MFSD1: variants seen among roughly 807,000 people sequenced by gnomAD.
MFSD1 encodes the protein major facilitator superfamily domain containing 1, also known as lysosomal dipeptide transporter MFSD1.
In MFSD1, 59 loss-of-function variants were observed where a neutral mutation model predicts 67.1. The observed-to-expected ratio is 0.88, with a 90% CI of 0.71 to 1.09. The LOEUF (loss-of-function observed/expected upper bound fraction) is 1.09, where lower values mean the gene tolerates loss of function less well. Ranked by LOEUF, MFSD1 falls within the 50% of genes least tolerant of loss-of-function variation. MFSD1 has a pLI of 0.00. For synonymous variants in MFSD1, 213 were observed against 200.3 expected (o/e 1.06, Z -0.54); for missense variants, 552 against 566.1 (o/e 0.97, Z 0.25).
chr3:158,818,770 A>T (rs973112545), intron 7 of MFSD1, among the ~76,000 whole-genome samples: 3 of 152,100 alleles, frequency 2.0e-5, no homozygotes, highest in African/African-American at 7.2e-5. Context: ...CCTCCTTTTT[A>T]CTCTTAAAAG....
intron 6 of MFSD1, 123 bp from the exon 7 acceptor site, chr3:158,813,842 A>T: frequency 2.2e-6 from 1 of 458,772 alleles, no homozygotes; most frequent in Non-Finnish European, 3.7e-6. Flanking sequence ...AGTGTCTTTT[A>T]AGGAAATTAC....
At chr3:158,813,350 G>C (rs1730137630) in intron 6 of MFSD1, among the ~76,000 whole-genome samples, 1 of 152,000 alleles carries the variant, frequency 6.6e-6, no homozygotes, top group Non-Finnish European at 1.5e-5. Context: ...GTTTCACCAT[G>C]TTGGCTAGGC....
intron 7 of MFSD1, among the ~76,000 whole-genome samples, chr3:158,817,939 A>G (rs184454586): frequency 9.9e-5 from 15 of 152,254 alleles, no homozygotes; most frequent in Admixed American, 8.5e-4. Flanking sequence ...GGATCCTATT[A>G]TAATATAATT....
rs888172113 is a variant in MFSD1, at chr3:158,814,009, G to T, written c.594G>T (p.Lys198Asn). Residue 198 changes from lysine to asparagine, a missense_variant, in exon 7 of 16, where the codon AAG becomes AAT. Coordinates refer to ENST00000415822, the MANE Select transcript of MFSD1 (RefSeq NM_022736.4). Reference sequence around the variant, plus strand: ...ACCTCATGGGATGGCTGTATTCTAAGATTGAAGCTTTGTTAGGTTCTGCTG... The same window carrying T: ...ACCTCATGGGATGGCTGTATTCTAATATTGAAGCTTTGTTAGGTTCTGCTG... The part of the protein sequence containing the change: ...NMNLMGWLYS[K>N]IEALLGSAGH... 1.9e-6 allele frequency: 3 copies of T among 1,613,600 alleles called. No individual in the cohort carries two copies. Among genetic ancestry groups the T allele is most frequent in the Non-Finnish European group, 2.5e-6 (3 of 1,179,794 alleles).
intron 6 of MFSD1, among the ~76,000 whole-genome samples, chr3:158,812,108 A>G (rs1730051649): frequency 6.6e-6 from 1 of 152,232 alleles, no homozygotes; most frequent in South Asian, 2.1e-4. Context: ...GAGCTAAGAC[A>G]TGAATACTAA....
intron 15 of MFSD1, among the ~76,000 whole-genome samples, 153 bp from the exon 16 acceptor site, chr3:158,828,826 A>G (rs1406294599): frequency 1.3e-5 from 2 of 152,096 alleles, no homozygotes; most frequent in Admixed American, 1.3e-4. Context: ...GACTTTTAGG[A>G]TCAAGAAGAG....
chr3:158,827,966 G>GAC (rs1731091872), intron 15 of MFSD1, among the ~76,000 whole-genome samples: 6 of 111,038 alleles, frequency 5.4e-5, no homozygotes, highest in Non-Finnish European at 1.2e-4. Flanking sequence ...GAGAGAGAGA[G>GAC]AGAGAGAGAG....
Position 158,829,369 on chromosome 3 carries a change from G to A in MFSD1, c.*387G>A, listed in dbSNP as rs1731195135. ...CTTATAGCAGGAAAAAAAAACTTTT[G>A]AGGGAAATAGAAGGGCTGCGTTACA... On this transcript the variant is annotated 3_prime_UTR_variant, in exon 16 of 16. Coordinates refer to ENST00000415822, the MANE Select transcript of MFSD1 (RefSeq NM_022736.4). 6.4e-6 allele frequency: 1 copy of A among 156,396 alleles called. No homozygotes were observed. Among genetic ancestry groups the A allele is most frequent in the Admixed American group, 6.5e-5 (1 of 15,368 alleles). 9.7% of individuals were successfully genotyped at this position (156,396 alleles called of 1,614,324 possible).
chr3:158,809,171 A>C lies in MFSD1; in HGVS notation c.441-8A>C, dbSNP rs199812633. On this transcript the variant is annotated splice_polypyrimidine_tract_variant and splice_region_variant and intron_variant, in intron 5 of 15. Coordinates refer to ENST00000415822, the MANE Select transcript of MFSD1 (RefSeq NM_022736.4). ...ACTTCTGGTTTTTTTTTTTTTTTCT[A>C]TTTTTAGGATTGGTGGCGAGTCCTT... is the stretch of plus-strand genomic sequence containing the variant. 5.3e-6 allele frequency: 7 copies of C among 1,328,982 alleles called. No individual in the cohort carries two copies. Among genetic ancestry groups the C allele is most frequent in the South Asian group, 3.7e-5 (2 of 53,738 alleles). 82.3% of individuals were successfully genotyped at this position (1,328,982 alleles called of 1,614,324 possible). A position where few individuals can be genotyped will look rare whatever the true frequency, so the allele number is the denominator to read the frequency against.
At chr3:158,806,893 C>A in intron 3 of MFSD1, 147 bp from the exon 4 acceptor site, 1 of 590,994 alleles carries the variant, frequency 1.7e-6, no homozygotes, top group Non-Finnish European at 2.9e-6. Flanking sequence ...ATTTTTCTTT[C>A]TTTGGAGGGA....
intron 7 of MFSD1, among the ~76,000 whole-genome samples, chr3:158,815,728 G>A (rs1226487057): frequency 6.6e-6 from 1 of 150,592 alleles, no homozygotes; most frequent in African/African-American, 2.4e-5. Context: ...ATGTATACAT[G>A]TGCCATGCTG....
intron 3 of MFSD1, among the ~76,000 whole-genome samples, chr3:158,806,254 CA>C (rs1452918127): frequency 1.4e-4 from 22 of 152,056 alleles, no homozygotes; most frequent in Admixed American, 1.3e-4. Context: ...TTTTTGATCT[CA>C]AGAGAGAGAA....
intron 5 of MFSD1, 89 bp downstream of exon 5, chr3:158,807,552 G>A: frequency 1.9e-6 from 2 of 1,041,860 alleles, no homozygotes; most frequent in Non-Finnish European, 2.9e-6. Context: ...GTCTCTTCTG[G>A]GGAATTACTT....
intron 14 of MFSD1, among the ~76,000 whole-genome samples, chr3:158,826,663 T>C (rs1028646324): frequency 6.6e-6 from 1 of 151,470 alleles, no homozygotes; most frequent in Admixed American, 6.6e-5. Context: ...TTTAATAGTT[T>C]TTTTTTTCTT....
At chr3:158,804,666 T>C (rs1460257745) in intron 2 of MFSD1, among the ~76,000 whole-genome samples, 4 of 152,232 alleles carry the variant, frequency 2.6e-5, no homozygotes, top group Non-Finnish European at 5.9e-5. Flanking sequence ...TGCATTTCAC[T>C]CTCCCAGTGC....
chr3:158,823,331 A>G (rs949569935), intron 11 of MFSD1, 97 bp from the exon 12 acceptor site: 3 of 842,482 alleles, frequency 3.6e-6, no homozygotes, highest in Admixed American at 1.7e-5. Flanking sequence ...GAATATATAT[A>G]TATTAACTAC....
chr3:158,809,152 G>GT (rs1559916357), intron 5 of MFSD1, 27 bp from the exon 6 acceptor site: 23 of 1,335,336 alleles, frequency 1.7e-5, no homozygotes, highest in Admixed American at 2.3e-5. Flanking sequence ...TGTGACTTCT[G>GT]GTTTTTTTTT....
intron 3 of MFSD1, among the ~76,000 whole-genome samples, chr3:158,806,488 C>T (rs1003882068): frequency 6.6e-6 from 1 of 152,154 alleles, no homozygotes; most frequent in African/African-American, 2.4e-5. Context: ...CCTTTAAGGA[C>T]TCTTCTAATA....
In MFSD1 at chr3:158,821,892, G is replaced by A. The variant is rs547436397; in HGVS notation, c.921-92G>A. 1.3e-5 allele frequency: 17 copies of A among 1,332,054 alleles called. No individual in the cohort carries two copies. The South Asian group carries it at 2.1e-4, about 16-fold the overall frequency. 82.5% of individuals were successfully genotyped at this position (1,332,054 alleles called of 1,614,324 possible). On this transcript the variant is annotated intron_variant, in intron 10 of 15. Coordinates refer to ENST00000415822, the MANE Select transcript of MFSD1 (RefSeq NM_022736.4). Reference sequence around the variant, plus strand: ...TTTATAAGAATGTTAAATGAGTTAGGATTTGCTTTGCCTGATATTTTCAAG... The same window carrying A: ...TTTATAAGAATGTTAAATGAGTTAGAATTTGCTTTGCCTGATATTTTCAAG...
Sources: allele counts gnomAD v4.1 joint callset (sites outside exome capture counted in the v4.1 genomes callset), GRCh38; gene constraint gnomAD v4.1.1; transcripts MANE v1.5; gene names NCBI Gene and HGNC (gene_info 2026-07-23, HGNC 2026-07-21).